Variants in BMPR1B observed in about 807,000 individuals in gnomAD.
The protein encoded by BMPR1B is bone morphogenetic protein receptor type-1B.
BMPR1B carries 12 observed loss-of-function variants against 59.1 expected under a neutral mutation model. The ratio of observed to expected loss-of-function variants is 0.20; its 90% CI spans 0.13 to 0.33. The LOEUF is 0.33. Among genes scored for constraint, BMPR1B ranks in the 10% least tolerant of loss-of-function variants. The probability of loss-of-function intolerance (pLI) is 1.00; values close to 1 mark genes in which losing one functional copy is unlikely to be tolerated. For missense variants in BMPR1B, 550 were observed against 610.9 expected, an observed-to-expected ratio of 0.90 and a Z score of 1.05; for synonymous variants, 237 against 207.3, an observed-to-expected ratio of 1.14 and a Z score of -1.23.
chr4:94,887,447 C>T lies in BMPR1B; in HGVS notation c.-113+11547C>T, dbSNP rs543873648. 5.3e-5 allele frequency among the ~76,000 whole-genome samples: 7 copies of T among 131,934 alleles called. No individual in the cohort carries two copies. The South Asian group carries it at 1.2e-3, about 23-fold the overall frequency. The allele number at this position is 131,934 out of a possible 152,430, so 86.6% of individuals were successfully genotyped here. ...AACAAGAAGCAGAAGAAAACTGTGT[C>T]TACATTCTAAACATTTAAATATACT... On this transcript the variant is annotated intron_variant, in intron 2 of 12. Coordinates refer to ENST00000515059, the MANE Select transcript of BMPR1B (RefSeq NM_001203.3).
chr4:94,761,396 C>A (rs1012616583), intron 1 of BMPR1B, among the ~76,000 whole-genome samples: 11 of 146,562 alleles, frequency 7.5e-5, no homozygotes, highest in Middle Eastern at 3.4e-3. Flanking sequence ...TCTGGACTTA[C>A]ATTTTCCGCT....
chr4:94,998,855 G>A (rs1387035882), intron 3 of BMPR1B, among the ~76,000 whole-genome samples: 1 of 152,066 alleles, frequency 6.6e-6, no homozygotes, highest in African/African-American at 2.4e-5. Context: ...CTTTTGGGCT[G>A]TTGTCTGTAT....
chr4:94,827,420 T>TA (rs1724423464), intron 1 of BMPR1B, among the ~76,000 whole-genome samples: 1 of 152,214 alleles, frequency 6.6e-6, no homozygotes, highest in African/African-American at 2.4e-5. Context: ...ATAAACTTTA[T>TA]ATATTTCTCA....
chr4:95,091,628 G>A (rs2149249149), intron 3 of BMPR1B: 2 of 985,136 alleles, frequency 2.0e-6, no homozygotes, highest in Middle Eastern at 5.2e-4. Flanking sequence ...GAAATCAAAA[G>A]TGAGTAGTGG....
At chr4:94,956,396 A>G (rs1730143393) in intron 2 of BMPR1B, among the ~76,000 whole-genome samples, 1 of 152,166 alleles carries the variant, frequency 6.6e-6, no homozygotes, top group Non-Finnish European at 1.5e-5. Context: ...AAGACATAAT[A>G]TAATTATTAA....
At chr4:95,113,549 C>T (rs1431089040) in intron 4 of BMPR1B, among the ~76,000 whole-genome samples, 1 of 152,098 alleles carries the variant, frequency 6.6e-6, no homozygotes, top group Non-Finnish European at 1.5e-5. Context: ...CCATATCTGT[C>T]TTGGACGCTG....
At chr4:94,929,424 G>A (rs1400238359) in intron 2 of BMPR1B, among the ~76,000 whole-genome samples, 1 of 151,980 alleles carries the variant, frequency 6.6e-6, no homozygotes, top group Non-Finnish European at 1.5e-5. Flanking sequence ...AAACTCTTTT[G>A]CAAATGTCAT....
At chr4:95,082,195 T>C (rs1579047227) in intron 3 of BMPR1B, among the ~76,000 whole-genome samples, 2 of 134,712 alleles carry the variant, frequency 1.5e-5, no homozygotes, top group African/African-American at 5.4e-5. Flanking sequence ...CATTGAATTA[T>C]ACATTTTTTA....
At chr4:94,922,007 C>G (rs937861319) in intron 2 of BMPR1B, among the ~76,000 whole-genome samples, 1 of 152,050 alleles carries the variant, frequency 6.6e-6, no homozygotes, top group East Asian at 1.9e-4. Flanking sequence ...AGGGGCAGAG[C>G]CTTGCTCTGT....
intron 10 of BMPR1B, among the ~76,000 whole-genome samples, chr4:95,134,229 T>C (rs1444673080): frequency 6.6e-6 from 1 of 152,206 alleles, no homozygotes; most frequent in Non-Finnish European, 1.5e-5. Context: ...TGCATAGTAT[T>C]CCATGGTGTA....
chr4:94,952,877 T>C (rs1394786102), intron 2 of BMPR1B, among the ~76,000 whole-genome samples: 1 of 152,172 alleles, frequency 6.6e-6, no homozygotes, highest in Non-Finnish European at 1.5e-5. Flanking sequence ...TCTGCCACTA[T>C]TATAGTGTGG....
At chr4:94,780,685 T>C (rs1467038442) in intron 1 of BMPR1B, among the ~76,000 whole-genome samples, 1 of 29,462 alleles carries the variant, frequency 3.4e-5, no homozygotes, top group Non-Finnish European at 8.3e-5. Flanking sequence ...TTATTGTCTT[T>C]TTTTTTTTTT....
At chr4:94,912,673 C>T (rs1283025936) in intron 2 of BMPR1B, among the ~76,000 whole-genome samples, 2 of 152,086 alleles carry the variant, frequency 1.3e-5, no homozygotes, top group African/African-American at 2.4e-5. Context: ...CAGCCAGCTG[C>T]CTCTGTAGCC....
At chr4:94,895,617 A>C (rs1490008333) in intron 2 of BMPR1B, among the ~76,000 whole-genome samples, 2 of 151,726 alleles carry the variant, frequency 1.3e-5, no homozygotes, top group East Asian at 3.9e-4. Flanking sequence ...AACTTATGAC[A>C]CTTCAAAATA....
intron 6 of BMPR1B, among the ~76,000 whole-genome samples, chr4:95,120,034 G>A (rs998263217): frequency 1.3e-4 from 20 of 152,160 alleles, no homozygotes; most frequent in African/African-American, 3.6e-4. Flanking sequence ...CCTCACCCCC[G>A]TTAATCCACA....
chr4:95,126,485 A>G (rs1732912570), intron 8 of BMPR1B, among the ~76,000 whole-genome samples: 1 of 152,216 alleles, frequency 6.6e-6, no homozygotes. Context: ...ATTCTCATTT[A>G]GTCCTCATAG....
chr4:94,943,527 G>T (rs1466826520), intron 2 of BMPR1B, among the ~76,000 whole-genome samples: 1 of 152,162 alleles, frequency 6.6e-6, no homozygotes, highest in Non-Finnish European at 1.5e-5. Flanking sequence ...ACATAGGTTT[G>T]TTTGAAAGTT....
intron 2 of BMPR1B, among the ~76,000 whole-genome samples, chr4:94,888,155 C>G (rs902227601): frequency 1.3e-5 from 2 of 151,950 alleles, no homozygotes. Flanking sequence ...AACTATTTTT[C>G]AATTTACAAG....
intron 10 of BMPR1B, among the ~76,000 whole-genome samples, chr4:95,132,147 C>T (rs1268486435): frequency 6.6e-5 from 10 of 152,270 alleles, no homozygotes; most frequent in East Asian, 5.8e-4. Flanking sequence ...AGGCTCCTTC[C>T]GTCTCACAGA....
Sources: allele counts gnomAD v4.1 joint callset (sites outside exome capture counted in the v4.1 genomes callset), GRCh38; gene constraint gnomAD v4.1.1; transcripts MANE v1.5; gene names NCBI Gene and HGNC (gene_info 2026-07-23, HGNC 2026-07-21).